CCDC7: variants seen among roughly 807,000 people sequenced by gnomAD.
CCDC7 encodes coiled-coil domain containing 7, also known as coiled-coil domain-containing protein 7.
CCDC7 carries 183 observed loss-of-function variants against 196.9 expected under a neutral mutation model. The ratio of observed to expected loss-of-function variants is 0.93; its 90% CI spans 0.82 to 1.05. The LOEUF is 1.05. Ranked by LOEUF, CCDC7 falls within the 50% of genes least tolerant of loss-of-function variation. The pLI is 0.00. For synonymous variants in CCDC7, 525 were observed against 484.6 expected (o/e 1.08, Z -1.10); for missense variants, 1,540 against 1,482.2 (o/e 1.04, Z -0.64).
intron 12 of CCDC7, 64 bp from the exon 14 acceptor site, chr10:32,544,181 CAA>C (rs1437427647): frequency 7.2e-7 from 1 of 1,391,190 alleles, no homozygotes; most frequent in African/African-American, 1.5e-5. Context: ...AAGTCCTCCT[CAA>C]GAAAGCAAAG....
rs150793052 is a variant in CCDC7, at chr10:32,508,143, C to A, written c.873-9802C>A. On this transcript the variant is annotated intron_variant, in intron 9 of 41. Transcript: ENST00000639629. ...TAGAAAACCCTAAGGATGCTTCCCCCACCCCCATCAAATATAGAATGGTGC... is the reference window on the plus strand; with the variant it reads ...TAGAAAACCCTAAGGATGCTTCCCCAACCCCCATCAAATATAGAATGGTGC... 9.9e-5 allele frequency among the ~76,000 whole-genome samples: 15 copies of A among 152,210 alleles called. No homozygotes were observed. In the East Asian group the frequency reaches 2.7e-3, roughly 27 times the overall value.
chr10:32,561,243 A>G (rs2055549097), intron 13 of CCDC7, among the ~76,000 whole-genome samples: 2 of 152,194 alleles, frequency 1.3e-5, no homozygotes, highest in Admixed American at 6.5e-5. Context: ...CACTGTCAAC[A>G]TTAGACAGAT....
intron 16 of CCDC7, among the ~76,000 whole-genome samples, chr10:32,576,733 T>C (rs1347180109): frequency 6.6e-6 from 1 of 151,996 alleles, no homozygotes; most frequent in Non-Finnish European, 1.5e-5. Flanking sequence ...TTATTTTTTA[T>C]AGAGACTCAG....
chr10:32,563,230 T>C (rs1256702628), intron 13 of CCDC7, among the ~76,000 whole-genome samples: 1 of 152,086 alleles, frequency 6.6e-6, no homozygotes, highest in African/African-American at 2.4e-5. Context: ...CTGCCCAAGG[T>C]AATTTATAGA....
intron 24 of CCDC7, among the ~76,000 whole-genome samples, chr10:32,697,911 A>G (rs1163134047): frequency 2.6e-5 from 4 of 152,176 alleles, no homozygotes; most frequent in African/African-American, 7.2e-5. Context: ...TAACTGGGAG[A>G]CATCTCCCAG....
chr10:32,613,654 C>T (rs919709279), intron 18 of CCDC7, among the ~76,000 whole-genome samples: 1 of 152,062 alleles, frequency 6.6e-6, no homozygotes, highest in African/African-American at 2.4e-5. Context: ...TTATTTCTGC[C>T]TTAATTTTGT....
At chr10:32,641,198 T>A (rs1477251320) in intron 20 of CCDC7, among the ~76,000 whole-genome samples, 2 of 152,216 alleles carry the variant, frequency 1.3e-5, no homozygotes, top group African/African-American at 4.8e-5. Context: ...AATGTTGGCC[T>A]GCCTTGCTAG....
chr10:32,807,470 A>G (rs2086077817), intron 30 of CCDC7, among the ~76,000 whole-genome samples: 1 of 152,100 alleles, frequency 6.6e-6, no homozygotes, highest in Admixed American at 6.5e-5. Flanking sequence ...ACATACAAAA[A>G]AACAAATTTG....
chr10:32,473,869 T>G (rs2038443396), intron 7 of CCDC7, 98 bp from the exon 9 acceptor site: 11 of 1,148,048 alleles, frequency 9.6e-6, no homozygotes, highest in Non-Finnish European at 1.3e-5. Context: ...TTCTTTCTTC[T>G]GAATAAGTTA....
intron 8 of CCDC7, among the ~76,000 whole-genome samples, chr10:32,485,991 G>A (rs1045961631): frequency 1.3e-5 from 2 of 152,184 alleles, no homozygotes; most frequent in African/African-American, 4.8e-5. Context: ...GGGGTGGAGA[G>A]TTCTGTAGAT....
chr10:32,744,397 C>A (rs905995307), intron 28 of CCDC7, among the ~76,000 whole-genome samples: 1 of 151,364 alleles, frequency 6.6e-6, no homozygotes, highest in Non-Finnish European at 1.5e-5. Flanking sequence ...AAGAAACAGC[C>A]AAAGTGTCTT....
downstream of CCDC7, among the ~76,000 whole-genome samples, chr10:32,880,965 T>C (rs2094770861): frequency 6.6e-6 from 1 of 152,188 alleles, no homozygotes; most frequent in East Asian, 1.9e-4. Flanking sequence ...ATCAAATTGT[T>C]AGTGTCCTAA....
intron 31 of CCDC7, among the ~76,000 whole-genome samples, chr10:32,817,071 G>T (rs117325935): frequency 0.039 from 5,890 of 152,056 alleles, 119 homozygotes; most frequent in Middle Eastern, 0.051. Context: ...CCATGGCGAA[G>T]AAGTTAAAAA....
chr10:32,725,409 G>T (rs1287532596), intron 25 of CCDC7: 1 of 470,236 alleles, frequency 2.1e-6, no homozygotes, highest in East Asian at 7.0e-5. Flanking sequence ...GTATTTATTA[G>T]TTACATGGAT....
chr10:32,697,794 C>T (rs7358142), intron 24 of CCDC7, among the ~76,000 whole-genome samples: 17,283 of 152,268 alleles, frequency 0.11, 1,173 homozygotes, highest in South Asian at 0.27. Context: ...ACTTAAACGT[C>T]CCTGTCTGAC....
chr10:32,475,463 C>T (rs2038795619), intron 8 of CCDC7, among the ~76,000 whole-genome samples: 1 of 152,106 alleles, frequency 6.6e-6, no homozygotes, highest in Non-Finnish European at 1.5e-5. Flanking sequence ...ATCCCTGTAC[C>T]CACTTATAGT....
chr10:32,693,742 C>G (rs549758910), intron 23 of CCDC7, among the ~76,000 whole-genome samples: 1 of 152,254 alleles, frequency 6.6e-6, no homozygotes, highest in South Asian at 2.1e-4. Context: ...TCCAGGTGCT[C>G]CAATTTCCTC....
At chr10:32,875,790 A>AT (rs1400251023) in intron 41 of CCDC7, among the ~76,000 whole-genome samples, 3 of 151,928 alleles carry the variant, frequency 2.0e-5, no homozygotes, top group Non-Finnish European at 1.5e-5. Flanking sequence ...ACTTGCTGTT[A>AT]TTTCCTCCAT....
intron 18 of CCDC7, among the ~76,000 whole-genome samples, chr10:32,622,936 AAATT>A (rs1156341484): frequency 1.3e-5 from 2 of 152,208 alleles, no homozygotes; most frequent in Non-Finnish European, 2.9e-5. Context: ...TAACACTTGA[AAATT>A]AATTAGTGTA....
Sources: gnomAD v4.1 joint callset for allele counts (sites outside exome capture counted in the v4.1 genomes callset) on GRCh38, gnomAD v4.1.1 for gene constraint, MANE v1.5 for transcripts, NCBI Gene and HGNC (gene_info 2026-07-23, HGNC 2026-07-21) for gene names.